Variants in CPED1 observed in about 807,000 individuals in gnomAD.
The protein encoded by CPED1 is cadherin like and PC-esterase domain containing 1, also known as cadherin-like and PC-esterase domain-containing protein 1.
In CPED1, 114 loss-of-function variants were observed where a neutral mutation model predicts 128.2. That is an observed-to-expected ratio of 0.89 (90% CI 0.76 to 1.04). CPED1 has a LOEUF of 1.04. Ranked by LOEUF, CPED1 falls within the 50% of genes least tolerant of loss-of-function variation. The pLI is 0.00. For synonymous variants in CPED1, 462 were observed against 426.7 expected (o/e 1.08, Z -1.02); for missense variants, 1,211 against 1,207.1 (o/e 1.00, Z -0.05).
At chr7:121,193,130 A>C (rs1034636026) in intron 16 of CPED1, among the ~76,000 whole-genome samples, 2 of 152,178 alleles carry the variant, frequency 1.3e-5, no homozygotes, top group African/African-American at 4.8e-5. Context: ...TGAAATACGC[A>C]GAGACATGGA....
At chr7:121,275,573 A>G (rs1189237283) in intron 22 of CPED1, among the ~76,000 whole-genome samples, 1 of 152,152 alleles carries the variant, frequency 6.6e-6, no homozygotes, top group African/African-American at 2.4e-5. Context: ...ATATGTTATT[A>G]TTCATTAGTC....
intron 16 of CPED1, among the ~76,000 whole-genome samples, chr7:121,147,513 T>C (rs1000729349): frequency 4.2e-5 from 6 of 144,512 alleles, no homozygotes; most frequent in African/African-American, 1.5e-4. Flanking sequence ...TAATAAAATA[T>C]ACTTATAAGA....
chr7:121,256,541 CA>C (rs1213160306), intron 18 of CPED1, among the ~76,000 whole-genome samples: 1 of 151,860 alleles, frequency 6.6e-6, no homozygotes, highest in Non-Finnish European at 1.5e-5. Context: ...ACTGAAAAGT[CA>C]AAAAACAACG....
intron 7 of CPED1, among the ~76,000 whole-genome samples, chr7:121,105,779 C>G (rs1285338230): frequency 6.6e-6 from 1 of 152,082 alleles, no homozygotes; most frequent in Non-Finnish European, 1.5e-5. Flanking sequence ...TTTATAGCAA[C>G]TTTGTGTCTT....
Position 121,148,932 on chromosome 7 carries a change from T to G in CPED1, c.2055+6791T>G, listed in dbSNP as rs557386347. Among the ~76,000 whole-genome samples, 4 of 152,310 alleles carry G rather than the reference T, an allele frequency of 2.6e-5. No homozygotes were observed. The East Asian group carries it at 7.7e-4, about 29-fold the overall frequency. On this transcript the variant is annotated intron_variant, in intron 16 of 22. Transcript: ENST00000310396. ...ATTTGGGGGCCCCTAAAATATCACATGCTGTATGCACTGTGGCTGCTGTGC... is the reference window on the plus strand; with the variant it reads ...ATTTGGGGGCCCCTAAAATATCACAGGCTGTATGCACTGTGGCTGCTGTGC...
At chr7:121,158,689 C>T (rs1796345390) in intron 16 of CPED1, among the ~76,000 whole-genome samples, 2 of 151,806 alleles carry the variant, frequency 1.3e-5, no homozygotes, top group Non-Finnish European at 2.9e-5. Context: ...TAGAATCTGT[C>T]ACTGCAGGAT....
chr7:121,054,135 C>T (rs1793432235), intron 4 of CPED1, among the ~76,000 whole-genome samples: 1 of 152,154 alleles, frequency 6.6e-6, no homozygotes, highest in Non-Finnish European at 1.5e-5. Flanking sequence ...ACTAGGGTGT[C>T]ATTGAGTTTG....
intron 4 of CPED1, chr7:121,050,748 G>C: frequency 2.2e-6 from 1 of 452,132 alleles, no homozygotes; most frequent in Non-Finnish European, 4.4e-6. Flanking sequence ...ATAGGTGTGA[G>C]CCACCGTGCC....
chr7:121,175,443 G>T (rs1372177223), intron 16 of CPED1, among the ~76,000 whole-genome samples: 1 of 152,060 alleles, frequency 6.6e-6, no homozygotes, highest in East Asian at 1.9e-4. Flanking sequence ...ACTAGATATT[G>T]AAGGAACATA....
At chr7:121,006,786 TACAGTAAATAGTAAACTGCTGACCC>T (rs1474951040) in intron 2 of CPED1, among the ~76,000 whole-genome samples, 1 of 152,178 alleles carries the variant, frequency 6.6e-6, no homozygotes, top group Non-Finnish European at 1.5e-5. Context: ...TCTGTGAGGT[TACAGTAAATAGTAAACTGCTGACCC>T]ACAGCTGTGC....
chr7:121,287,488 A>G (rs1368701355), intron 22 of CPED1, among the ~76,000 whole-genome samples: 1 of 152,160 alleles, frequency 6.6e-6, no homozygotes, highest in African/African-American at 2.4e-5. Flanking sequence ...AAGAGGAAGC[A>G]CCAAGTTTGT....
Position 121,238,197 on chromosome 7 carries a change from G to T in CPED1, c.2173+1366G>T, listed in dbSNP as rs142643947. The stretch of plus-strand genomic sequence containing the variant: ...GTGCCTGGACATTGTGGGTGAGGCC[G>T]CCATAGAACGGTGGCCTTCTGGTAC... On this transcript the variant is annotated intron_variant, in intron 17 of 22. Transcript: ENST00000310396. Among the ~76,000 whole-genome samples the T allele has an allele frequency of 4.6e-5, 7 of 152,246 alleles. No individual in the cohort carries two copies. The East Asian group carries it at 1.4e-3, about 29-fold the overall frequency.
chr7:121,026,758 A>G (rs1454747559), intron 3 of CPED1, among the ~76,000 whole-genome samples: 2 of 150,344 alleles, frequency 1.3e-5, no homozygotes, highest in Non-Finnish European at 2.9e-5. Flanking sequence ...TTGCCTGATC[A>G]CATTTCAAAG....
intron 2 of CPED1, among the ~76,000 whole-genome samples, chr7:121,005,955 G>A (rs1030993240): frequency 3.3e-5 from 5 of 152,202 alleles, no homozygotes; most frequent in Non-Finnish European, 5.9e-5. Flanking sequence ...AGCTGATCAT[G>A]AGTGGGGTTG....
In CPED1 at chr7:121,187,317, G is replaced by T. The variant is rs73436043; in HGVS notation, c.2055+45176G>T. Reference sequence around the variant, plus strand: ...CAAGAGGAAGCCAGTTTTGAGAAAGGCTGCAGTAAGAAAATCCCAAGTATA... The same window carrying T: ...CAAGAGGAAGCCAGTTTTGAGAAAGTCTGCAGTAAGAAAATCCCAAGTATA... On this transcript the variant is annotated intron_variant, in intron 16 of 22. Coordinates refer to ENST00000310396, the MANE Select transcript of CPED1 (RefSeq NM_024913.5). 4.9e-4 allele frequency among the ~76,000 whole-genome samples: 75 copies of T among 152,282 alleles called. No homozygotes were observed. The East Asian group carries it at 0.014, about 28-fold the overall frequency.
At chr7:121,277,020 T>C (rs111939045) in intron 22 of CPED1, among the ~76,000 whole-genome samples, 1,913 of 152,048 alleles carry the variant, frequency 0.013, 40 homozygotes, top group African/African-American at 0.044. Context: ...TTTTTTTTTC[T>C]AGAAGTCAGG....
At chr7:121,202,545 C>A (rs954530117) in intron 16 of CPED1, among the ~76,000 whole-genome samples, 1 of 152,060 alleles carries the variant, frequency 6.6e-6, no homozygotes, top group African/African-American at 2.4e-5. Flanking sequence ...AAAAAAATTA[C>A]TTTTCTATAG....
chr7:121,166,814 T>TTAAATGTAAA (rs1796536690), intron 16 of CPED1, among the ~76,000 whole-genome samples: 1 of 152,174 alleles, frequency 6.6e-6, no homozygotes, highest in Non-Finnish European at 1.5e-5. Flanking sequence ...GAAAGTTCTT[T>TTAAATGTAAA]AATGTAAAAA....
chr7:121,130,291 A>G lies in CPED1; in HGVS notation c.1574A>G (p.Glu525Gly). 1.3e-6 allele frequency: 2 copies of G among 1,594,676 alleles called. No homozygotes were observed. The highest frequency in any genetic ancestry group is 1.7e-6 in the Non-Finnish European group (2 of 1,173,476). ...AAAAAGACACAGCCACATCCACTGG[A>G]ATGGTAAGATAGCCACAAATTTGAA... ...MNKKTQPHPLEWNSFTEDKNI... is the reference protein window; with the variant it reads ...MNKKTQPHPLGWNSFTEDKNI... Residue 525 changes from glutamate to glycine, a missense_variant, in exon 12 of 23, where the codon GAA (glutamate) becomes GGA (glycine). Coordinates refer to ENST00000310396, the MANE Select transcript of CPED1 (RefSeq NM_024913.5).
Sources: gnomAD v4.1 joint callset for allele counts (sites outside exome capture counted in the v4.1 genomes callset) on GRCh38, gnomAD v4.1.1 for gene constraint, MANE v1.5 for transcripts, NCBI Gene and HGNC (gene_info 2026-07-23, HGNC 2026-07-21) for gene names.